The following LRRC63 variants were observed in gnomAD, a reference collection of about 807,000 sequenced individuals.
LRRC63 encodes the protein leucine rich repeat containing 63.
A neutral mutation model predicts 49.5 loss-of-function variants in LRRC63; 40 were observed. The ratio of observed to expected loss-of-function variants is 0.81; its 90% CI spans 0.63 to 1.05. LRRC63 has a LOEUF of 1.05. Ranked by LOEUF, LRRC63 falls within the 50% of genes least tolerant of loss-of-function variation. LRRC63 has a pLI of 0.00. For synonymous variants in LRRC63, 191 were observed against 221.1 expected, an observed-to-expected ratio of 0.86 and a Z score of 1.21; for missense variants, 636 against 663.1, an observed-to-expected ratio of 0.96 and a Z score of 0.45.
intron 2 of LRRC63, among the ~76,000 whole-genome samples, chr13:46,215,453 TG>T (rs1351709910): frequency 3.4e-5 from 4 of 119,196 alleles, no homozygotes; most frequent in Non-Finnish European, 6.5e-5. Flanking sequence ...CACTTTTTGA[TG>T]GGGTGGTTTG....
rs186923155 is a variant in LRRC63, at chr13:46,267,081, A to G, written c.1550+109A>G. 3.2e-4 allele frequency: 330 copies of G among 1,023,408 alleles called. 1 individual carries two copies. The East Asian group carries it at 8.6e-3, about 27-fold the overall frequency. The allele number at this position is 1,023,408 out of a possible 1,614,324, so 63.4% of individuals were successfully genotyped here. A position where few individuals can be genotyped will look rare whatever the true frequency, so the allele number is the denominator to read the frequency against. On this transcript the variant is annotated intron_variant, in intron 9 of 9. Transcript: ENST00000595396. ...CACTAACATGCACACATACTCCATG[A>G]CACACACAAAACCATACACACAATT...
At chr13:46,215,377 T>C (rs1189064479) in intron 2 of LRRC63, among the ~76,000 whole-genome samples, 2 of 152,250 alleles carry the variant, frequency 1.3e-5, no homozygotes, top group Non-Finnish European at 2.9e-5. Context: ...TGTTAAGCTT[T>C]TTTTCATATG....
chr13:46,248,377 G>T (rs910080083), intron 6 of LRRC63, among the ~76,000 whole-genome samples: 4 of 151,810 alleles, frequency 2.6e-5, no homozygotes, highest in Non-Finnish European at 5.9e-5. Context: ...TCAATGATAC[G>T]CTGTCTGCAG....
intron 2 of LRRC63, among the ~76,000 whole-genome samples, chr13:46,214,512 A>G (rs988209543): frequency 1.3e-5 from 2 of 152,026 alleles, no homozygotes; most frequent in Non-Finnish European, 2.9e-5. Context: ...GAATTTCACA[A>G]CCTTGGCACT....
exon 6 of LRRC63, chr13:46,246,563 T>G (rs1171967213): frequency 6.8e-7 from 1 of 1,471,006 alleles, no homozygotes; most frequent in African/African-American, 1.4e-5. Context: ...CTTAACACCT[T>G]TGGCTTTCCA....
chr13:46,252,942 A>C (rs1057057272), intron 7 of LRRC63, among the ~76,000 whole-genome samples: 2 of 152,034 alleles, frequency 1.3e-5, no homozygotes, highest in African/African-American at 4.8e-5. Context: ...ACAAGAAACC[A>C]TTACAGGTTT....
At chr13:46,235,470 A>T (rs936786693) in intron 5 of LRRC63, among the ~76,000 whole-genome samples, 5 of 152,182 alleles carry the variant, frequency 3.3e-5, no homozygotes, top group African/African-American at 1.2e-4. Context: ...TTTCAATAGT[A>T]GATGTGATCA....
intron 5 of LRRC63, among the ~76,000 whole-genome samples, chr13:46,246,250 T>G (rs2138504375): frequency 6.6e-6 from 1 of 152,332 alleles, no homozygotes; most frequent in South Asian, 2.1e-4. Context: ...ATTAAAGCTC[T>G]TTTCTTTATA....
exon 3 of LRRC63, chr13:46,228,103 T>C: frequency 6.4e-7 from 1 of 1,550,716 alleles, no homozygotes. Flanking sequence ...ACTGCTACAT[T>C]GACACTAAGA....
chr13:46,216,048 C>T (rs572096819), intron 2 of LRRC63, among the ~76,000 whole-genome samples: 7 of 152,150 alleles, frequency 4.6e-5, no homozygotes, highest in East Asian at 1.9e-4. Context: ...AGTCAGGTAG[C>T]GTGATGCCTC....
At chr13:46,248,022 C>T (rs1315656750) in intron 6 of LRRC63, among the ~76,000 whole-genome samples, 2 of 151,826 alleles carry the variant, frequency 1.3e-5, no homozygotes, top group African/African-American at 4.8e-5. Flanking sequence ...GTATGAAGAA[C>T]ATTTTCATAT....
At position 46,274,098 on chromosome 13, in the gene LRRC63, G is replaced by C. The variant is rs184259012; in HGVS notation, c.1551-2492G>C. Among the ~76,000 whole-genome samples the C allele has an allele frequency of 6.7e-4, 102 of 152,156 alleles. 1 individual carries two copies. The highest frequency in any genetic ancestry group is 4.2e-3 in the Admixed American group (64 of 15,284). On this transcript the variant is annotated intron_variant, in intron 9 of 9. Coordinates refer to ENST00000595396, the Ensembl canonical transcript of LRRC63. The stretch of plus-strand genomic sequence containing the variant: ...GATAGACTAGTGCAGGGGAAGGCTG[G>C]GTGGAGGTCAGTTAAAACACTCATG...
intron 4 of LRRC63, among the ~76,000 whole-genome samples, chr13:46,231,805 C>T (rs1231714210): frequency 6.7e-6 from 1 of 149,846 alleles, no homozygotes; most frequent in East Asian, 2.0e-4. Context: ...CGCACCTGGC[C>T]TGCCACACAC....
At chr13:46,221,553 G>T (rs2046408144) in intron 2 of LRRC63, among the ~76,000 whole-genome samples, 1 of 152,220 alleles carries the variant, frequency 6.6e-6, no homozygotes, top group East Asian at 1.9e-4. Context: ...GACGATGGCA[G>T]TGATAATCAG....
intron 5 of LRRC63, among the ~76,000 whole-genome samples, chr13:46,238,506 A>C (rs972016302): frequency 6.6e-6 from 1 of 152,178 alleles, no homozygotes. Flanking sequence ...ACAGTTCCAC[A>C]TGGCTGGGGA....
At chr13:46,255,652 A>ATATATATATATATATATATATATG (rs1459999303) in intron 7 of LRRC63, among the ~76,000 whole-genome samples, 8 of 148,562 alleles carry the variant, frequency 5.4e-5, no homozygotes, top group African/African-American at 2.0e-4. Context: ...TCAAATATAT[A>ATATATATATATATATATATATATG]TATATATATA....
intron 2 of LRRC63, 145 bp from the exon 3 acceptor site, chr13:46,227,367 T>C: frequency 1.8e-6 from 1 of 557,760 alleles, no homozygotes; most frequent in Non-Finnish European, 3.0e-6. Context: ...TCAACACACA[T>C]CCTGGTAGCT....
chr13:46,266,990 C>T lies in LRRC63; in HGVS notation c.1550+18C>T, dbSNP rs1448585964. ...CTAAAATGGTGAGCAAATGCTGAAGCCCTTTTAACCAAAATATACCTTTAA... is the reference window on the plus strand; with the variant it reads ...CTAAAATGGTGAGCAAATGCTGAAGTCCTTTTAACCAAAATATACCTTTAA... On this transcript the variant is annotated intron_variant, in intron 9 of 9. Transcript: ENST00000595396. 6.6e-7 allele frequency: 1 copy of T among 1,504,944 alleles called. No homozygotes were observed. The highest frequency in any genetic ancestry group is 8.9e-7 in the Non-Finnish European group (1 of 1,128,702). The allele number at this position is 1,504,944 out of a possible 1,614,324, so 93.2% of individuals were successfully genotyped here.
intron 8 of LRRC63, among the ~76,000 whole-genome samples, chr13:46,265,106 G>C (rs1008587114): frequency 2.0e-5 from 3 of 152,144 alleles, no homozygotes; most frequent in Admixed American, 6.5e-5. Context: ...CTTGCAGTGA[G>C]CCGAGATCAG....
Sources: gnomAD v4.1 joint callset for allele counts (sites outside exome capture counted in the v4.1 genomes callset) on GRCh38, gnomAD v4.1.1 for gene constraint, MANE v1.5 for transcripts, NCBI Gene and HGNC (gene_info 2026-07-23, HGNC 2026-07-21) for gene names.